STK3: variants seen among roughly 807,000 people sequenced by gnomAD.
STK3 encodes serine/threonine-protein kinase 3.
STK3 carries 41 observed loss-of-function variants against 58.0 expected under a neutral mutation model. The observed-to-expected ratio is 0.71, with a 90% CI of 0.55 to 0.92. STK3 has a LOEUF of 0.92. Among genes scored for constraint, STK3 ranks in the 40% least tolerant of loss-of-function variants. The pLI, the probability that STK3 is intolerant of heterozygous loss-of-function variation, is 0.00. For synonymous variants in STK3, 170 were observed against 191.0 expected (o/e 0.89, Z 0.91); for missense variants, 479 against 602.7 (o/e 0.79, Z 2.15).
rs1832349966 is a variant in STK3, at chr8:98,784,766, T to G, written c.27-9947A>C. ...TGGAGACAGATACCCAGGCATCTAA[T>G]GCACCTGCTCACATGGACTAGCAGA... On this transcript the variant is annotated intron_variant, in intron 1 of 10. Coordinates refer to ENST00000419617, the MANE Select transcript of STK3 (RefSeq NM_006281.4). Among the ~76,000 whole-genome samples, 3 of 152,034 alleles carry G rather than the reference T, an allele frequency of 2.0e-5. No homozygotes were observed. The South Asian group carries it at 6.2e-4, about 32-fold the overall frequency.
Position 98,850,552 on chromosome 8 carries a change from G to A in STK3, c.110+33095C>T, listed in dbSNP as rs578116215. Reference sequence around the variant, plus strand: ...TAGTCAGAGGTTTCCTAAAGGAGGTGACATCTTTCAAGAATGAGTATTGAT... The same window carrying A: ...TAGTCAGAGGTTTCCTAAAGGAGGTAACATCTTTCAAGAATGAGTATTGAT... On this transcript the variant is annotated intron_variant, in intron 3 of 12. Transcript: ENST00000523601. Among the ~76,000 whole-genome samples, 4 of 152,300 alleles carry A rather than the reference G, an allele frequency of 2.6e-5. No homozygotes were observed. In the South Asian group the frequency reaches 8.3e-4, roughly 32 times the overall value.
At chr8:98,771,600 T>TGTC (rs1156425150) in intron 2 of STK3, among the ~76,000 whole-genome samples, 14 of 152,050 alleles carry the variant, frequency 9.2e-5, no homozygotes, top group African/African-American at 3.1e-4. Context: ...AGTCATGCTG[T>TGTC]GTCACCCAGG....
At chr8:98,836,978 A>G (rs184958895) in intron 3 of STK3, among the ~76,000 whole-genome samples, 86 of 152,324 alleles carry the variant, frequency 5.6e-4, no homozygotes, top group Non-Finnish European at 3.4e-4. Flanking sequence ...ATCATTACAT[A>G]TCCATGTGGC....
intron 6 of STK3, among the ~76,000 whole-genome samples, chr8:98,697,297 T>G (rs1451290547): frequency 6.6e-6 from 1 of 152,206 alleles, no homozygotes; most frequent in South Asian, 2.1e-4. Context: ...GTTGATCCTT[T>G]CAGAAAACCA....
chr8:98,626,368 A>G (rs1012447469), intron 6 of STK3, among the ~76,000 whole-genome samples: 3 of 152,234 alleles, frequency 2.0e-5, no homozygotes, highest in Admixed American at 6.5e-5. Flanking sequence ...TTCGGCCCAC[A>G]TGCCAAATCT....
chr8:98,427,823 G>T (rs1437078792), intron 3 of STK3: 1 of 615,460 alleles, frequency 1.6e-6, no homozygotes, highest in African/African-American at 1.9e-5. Flanking sequence ...CCCCAGCCCA[G>T]CCCTTCAGCA....
chr8:98,413,431 TG>T, intron 3 of STK3: 1 of 572,664 alleles, frequency 1.7e-6, no homozygotes. Flanking sequence ...CTCACTTTCC[TG>T]GGGTCCAGAG....
chr8:98,667,172 T>C (rs1822428065), intron 6 of STK3, among the ~76,000 whole-genome samples: 1 of 152,132 alleles, frequency 6.6e-6, no homozygotes, highest in Non-Finnish European at 1.5e-5. Context: ...CATGCAAAAC[T>C]TCCAATTATG....
intron 9 of STK3, among the ~76,000 whole-genome samples, chr8:98,530,800 A>G (rs1156883300): frequency 6.6e-6 from 1 of 152,234 alleles, no homozygotes; most frequent in Non-Finnish European, 1.5e-5. Context: ...AGTTTATGGA[A>G]AATTCTAAGT....
chr8:98,506,198 G>C lies in STK3; in HGVS notation c.1317+20544C>G, dbSNP rs889000743. ...GCAAGGCTCCGTGGGCATGAGACCC[G>C]CCAAGCCAGGCATGGGATATAATCT... is the stretch of plus-strand genomic sequence containing the variant. On this transcript the variant is annotated intron_variant, in intron 10 of 10. Coordinates refer to ENST00000419617, the MANE Select transcript of STK3 (RefSeq NM_006281.4). Among the ~76,000 whole-genome samples the C allele has an allele frequency of 4.6e-5, 7 of 152,214 alleles. 1 individual carries two copies. Among genetic ancestry groups the C allele is most frequent in the African/African-American group, 7.2e-5 (3 of 41,448 alleles).
chr8:98,419,062 C>T (rs1818143459), intron 3 of STK3, among the ~76,000 whole-genome samples: 1 of 152,202 alleles, frequency 6.6e-6, no homozygotes, highest in Non-Finnish European at 1.5e-5. Flanking sequence ...GCTTCTGGCC[C>T]CAGGAGTCTG....
intron 6 of STK3, among the ~76,000 whole-genome samples, chr8:98,676,528 G>A (rs34617327): frequency 0.016 from 2,381 of 151,808 alleles, 29 homozygotes; most frequent in Admixed American, 0.056. Flanking sequence ...CAGGAGAATC[G>A]CTTGAACCTG....
chr8:98,914,189 C>T (rs1375565017), intron 1 of STK3, among the ~76,000 whole-genome samples: 2 of 152,052 alleles, frequency 1.3e-5, no homozygotes, highest in East Asian at 1.9e-4. Flanking sequence ...CGGTGGCTCA[C>T]ACCTGTAACC....
At chr8:98,354,305 C>T in the STK3 span, among the ~76,000 whole-genome samples, 3 of 152,174 alleles carry the variant, frequency 2.0e-5, no homozygotes, top group Non-Finnish European at 4.4e-5. Context: ...GATTTTTCTA[C>T]CTTCCTCATC....
chr8:98,578,271 C>G (rs1448980348), intron 8 of STK3, among the ~76,000 whole-genome samples: 1 of 152,140 alleles, frequency 6.6e-6, no homozygotes, highest in Non-Finnish European at 1.5e-5. Flanking sequence ...CCCATATCAC[C>G]TACTCATCTT....
At chr8:98,486,114 C>T (rs568062270) in intron 10 of STK3, among the ~76,000 whole-genome samples, 1 of 152,294 alleles carries the variant, frequency 6.6e-6, no homozygotes, top group African/African-American at 2.4e-5. Context: ...CTGGCTCCTC[C>T]AACTATTTGC....
At chr8:98,695,248 C>T (rs1176975830) in intron 6 of STK3, among the ~76,000 whole-genome samples, 6 of 151,964 alleles carry the variant, frequency 3.9e-5, no homozygotes, top group African/African-American at 7.3e-5. Context: ...GGATATTAGC[C>T]CTTTGTCAGA....
upstream of STK3, among the ~76,000 whole-genome samples, chr8:98,389,840 T>G (rs536210478): frequency 6.6e-6 from 1 of 151,114 alleles, no homozygotes; most frequent in Admixed American, 6.6e-5. Context: ...AATTGTTGCC[T>G]CCCCAAATGA....
intron 3 of STK3, among the ~76,000 whole-genome samples, chr8:98,411,882 C>A (rs1486698088): frequency 2.0e-5 from 3 of 152,162 alleles, no homozygotes; most frequent in Admixed American, 6.5e-5. Context: ...GACACAGCAG[C>A]CCCCAAACCA....
Sources: allele counts gnomAD v4.1 joint callset (sites outside exome capture counted in the v4.1 genomes callset), GRCh38; gene constraint gnomAD v4.1.1; transcripts MANE v1.5; gene names NCBI Gene and HGNC (gene_info 2026-07-23, HGNC 2026-07-21).